The following JAM2 variants were observed in gnomAD, a reference collection of about 807,000 sequenced individuals.
JAM2 encodes the protein junctional adhesion molecule B.
In JAM2, 17 loss-of-function variants were observed where a neutral mutation model predicts 42.0. The ratio of observed to expected loss-of-function variants is 0.40; its 90% CI spans 0.28 to 0.61. The LOEUF (loss-of-function observed/expected upper bound fraction) is 0.61, where lower values mean the gene tolerates loss of function less well. JAM2 is among the 20% of genes least tolerant of loss of function. The pLI, the probability that JAM2 is intolerant of heterozygous loss-of-function variation, is 0.37. For synonymous variants in JAM2, 118 were observed against 128.6 expected, an observed-to-expected ratio of 0.92 and a Z score of 0.56; for missense variants, 319 against 358.3, an observed-to-expected ratio of 0.89 and a Z score of 0.89.
intron 1 of JAM2, among the ~76,000 whole-genome samples, chr21:25,663,093 TGTTGGAGA>T (rs2033131916): frequency 6.6e-6 from 1 of 151,352 alleles, no homozygotes; most frequent in Non-Finnish European, 1.5e-5. Flanking sequence ...GGCAGGGGAG[TGTTGGAGA>T]GAGGGGATTC....
intron 1 of JAM2, among the ~76,000 whole-genome samples, chr21:25,673,609 T>C (rs2033411239): frequency 1.3e-5 from 2 of 152,212 alleles, no homozygotes; most frequent in Non-Finnish European, 1.5e-5. Context: ...GCCATTACAG[T>C]GTGTCTGGCG....
At chr21:25,680,793 TGAC>T (rs1568904059) in intron 1 of JAM2, among the ~76,000 whole-genome samples, 5 of 149,986 alleles carry the variant, frequency 3.3e-5, no homozygotes, top group African/African-American at 1.2e-4. Flanking sequence ...GATGGATGGA[TGAC>T]GATCGATGGA....
intron 1 of JAM2, among the ~76,000 whole-genome samples, chr21:25,666,121 G>A (rs1408676715): frequency 6.6e-6 from 1 of 151,994 alleles, no homozygotes; most frequent in Admixed American, 6.5e-5. Context: ...CCACATATCT[G>A]AGCATCATTG....
At chr21:25,686,453 TG>T (rs1718807183) in intron 2 of JAM2, among the ~76,000 whole-genome samples, 2 of 88,868 alleles carry the variant, frequency 2.3e-5, no homozygotes, top group Non-Finnish European at 4.9e-5. Context: ...TATATGTGTA[TG>T]TGTGTTTCAC....
chr21:25,706,110 G>C (rs1295122499), intron 7 of JAM2, 24 bp downstream of exon 7: 1 of 1,413,316 alleles, frequency 7.1e-7, no homozygotes, highest in Non-Finnish European at 1.0e-6. Context: ...ACCCTTCTTT[G>C]GCAGATAACT....
rs531296096 is a variant in JAM2, at chr21:25,695,683, C to T, written c.394+1775C>T. On this transcript the variant is annotated intron_variant, in intron 4 of 9. Coordinates refer to ENST00000480456, the MANE Select transcript of JAM2 (RefSeq NM_021219.4). ...TTCCCAGACGGGGCGGGGCGGCTGC[C>T]GGGCGGAGGGGCTCCTCACTTTCCA... 5.2e-3 allele frequency among the ~76,000 whole-genome samples: 775 copies of T among 149,696 alleles called. 3 individuals carry two copies. Among genetic ancestry groups the T allele is most frequent in the Non-Finnish European group, 7.5e-3 (503 of 67,352 alleles).
In JAM2 at chr21:25,676,477, C is replaced by A. The variant is rs570873211; in HGVS notation, c.68-7406C>A. ...TATCTTAGATGAGTAATAGAGAATACAAAAACTTTTGTTTTTAAAGTTGGG... is the reference window on the plus strand; with the variant it reads ...TATCTTAGATGAGTAATAGAGAATAAAAAAACTTTTGTTTTTAAAGTTGGG... On this transcript the variant is annotated intron_variant, in intron 1 of 9. Coordinates refer to ENST00000480456, the MANE Select transcript of JAM2 (RefSeq NM_021219.4). Among the ~76,000 whole-genome samples the A allele has an allele frequency of 2.2e-4, 34 of 152,052 alleles. No homozygotes were observed. In the South Asian group the frequency reaches 5.8e-3, roughly 26 times the overall value.
chr21:25,712,337 C>T lies in JAM2; in HGVS notation c.822-3C>T. On this transcript the variant is annotated splice_region_variant and splice_polypyrimidine_tract_variant and intron_variant, in intron 8 of 9. Transcript: ENST00000480456. ...AATATTGTCTTTTATATTCCACAAA[C>T]AGGAAGAGTAATTCTTCATCTAAAG... is the stretch of plus-strand genomic sequence containing the variant. 1 of 1,581,788 alleles carries T rather than the reference C, an allele frequency of 6.3e-7. No homozygotes were observed. Among genetic ancestry groups the T allele is most frequent in the South Asian group, 1.1e-5 (1 of 89,974 alleles).
At chr21:25,673,966 T>C (rs560683603) in intron 1 of JAM2, among the ~76,000 whole-genome samples, 1 of 152,108 alleles carries the variant, frequency 6.6e-6, no homozygotes. Flanking sequence ...TTATAAGGGG[T>C]TTCCCCTTTT....
At chr21:25,696,420 G>T (rs565958375) in intron 4 of JAM2, among the ~76,000 whole-genome samples, 1 of 152,220 alleles carries the variant, frequency 6.6e-6, no homozygotes, top group African/African-American at 2.4e-5. Flanking sequence ...GGAGGAGGGG[G>T]AGAGGGAGAG....
chr21:25,662,703 C>G (rs147857423), intron 1 of JAM2, among the ~76,000 whole-genome samples: 68 of 152,152 alleles, frequency 4.5e-4, no homozygotes, highest in Non-Finnish European at 7.4e-4. Flanking sequence ...ACAGTTAATA[C>G]TATATTTAAG....
At chr21:25,662,335 A>C (rs1568894024) in intron 1 of JAM2, among the ~76,000 whole-genome samples, 1 of 151,860 alleles carries the variant, frequency 6.6e-6, no homozygotes, top group African/African-American at 2.4e-5. Context: ...TGTTGTGTAG[A>C]GACAGGGTCT....
intron 3 of JAM2, chr21:25,692,127 G>A (rs567626738): frequency 1.3e-5 from 2 of 153,564 alleles, no homozygotes; most frequent in South Asian, 4.1e-4. Context: ...CTGGGCACTC[G>A]GAGATGGGGT....
At chr21:25,687,777 CT>C (rs1296182005) in intron 2 of JAM2, among the ~76,000 whole-genome samples, 1 of 152,162 alleles carries the variant, frequency 6.6e-6, no homozygotes, top group African/African-American at 2.4e-5. Context: ...TTCTCTCCCT[CT>C]TTTAAACCTT....
At chr21:25,694,735 G>C (rs558649784) in intron 4 of JAM2, among the ~76,000 whole-genome samples, 24 of 152,070 alleles carry the variant, frequency 1.6e-4, no homozygotes, top group Non-Finnish European at 2.4e-4. Flanking sequence ...AGCTACTTGG[G>C]AGGCTGAGGC....
intron 6 of JAM2, among the ~76,000 whole-genome samples, chr21:25,703,071 C>T (rs932057568): frequency 2.0e-5 from 3 of 152,156 alleles, no homozygotes; most frequent in Non-Finnish European, 2.9e-5. Flanking sequence ...AGGCTGCTCT[C>T]GAACTCCTGA....
chr21:25,690,250 T>C (rs1203120633), intron 3 of JAM2, among the ~76,000 whole-genome samples: 2 of 152,190 alleles, frequency 1.3e-5, no homozygotes, highest in African/African-American at 4.8e-5. Flanking sequence ...TAGATTAAAC[T>C]CCGTTCCTTC....
rs556488230 is a variant in JAM2, at chr21:25,639,583, C to A, written c.-239C>A. The A allele has an allele frequency of 2.2e-6, 1 of 460,114 alleles. No individual in the cohort carries two copies. Among genetic ancestry groups the A allele is most frequent in the Admixed American group, 4.0e-5 (1 of 24,848 alleles). 28.5% of individuals were successfully genotyped at this position (460,114 alleles called of 1,614,324 possible). A position where few individuals can be genotyped will look rare whatever the true frequency, so the allele number is the denominator to read the frequency against. On this transcript the variant is annotated 5_prime_UTR_variant, in exon 1 of 10. Coordinates refer to ENST00000480456, the MANE Select transcript of JAM2 (RefSeq NM_021219.4). ...ACGCCCTCTAGCCCCTACCCCCACA[C>A]CCCCAAAACAGAACAGACCCCCATC...
chr21:25,705,495 C>A (rs952354360), intron 6 of JAM2, among the ~76,000 whole-genome samples: 11 of 152,330 alleles, frequency 7.2e-5, no homozygotes, highest in African/African-American at 2.6e-4. Flanking sequence ...ACCTCAGCCT[C>A]CTGAGTAGCT....
Sources: allele counts gnomAD v4.1 joint callset (sites outside exome capture counted in the v4.1 genomes callset), GRCh38; gene constraint gnomAD v4.1.1; transcripts MANE v1.5; gene names NCBI Gene and HGNC (gene_info 2026-07-23, HGNC 2026-07-21).